Variants in RALGAPA2 observed in about 807,000 individuals in gnomAD.
The protein encoded by RALGAPA2 is ral GTPase-activating protein subunit alpha-2.
A neutral mutation model predicts 230.4 loss-of-function variants in RALGAPA2; 139 were observed. The ratio of observed to expected loss-of-function variants is 0.60; its 90% CI spans 0.53 to 0.69. The LOEUF (loss-of-function observed/expected upper bound fraction) is 0.69, where lower values mean the gene tolerates loss of function less well. Ranked by LOEUF, RALGAPA2 falls within the 30% of genes least tolerant of loss-of-function variation. The pLI, the probability that RALGAPA2 is intolerant of heterozygous loss-of-function variation, is 0.00. For missense variants in RALGAPA2, 2,163 were observed against 2,276.0 expected (o/e 0.95, Z 1.01); for synonymous variants, 847 against 837.8 (o/e 1.01, Z -0.19).
chr20:20,701,017 C>T (rs917843769), intron 1 of RALGAPA2, among the ~76,000 whole-genome samples: 8 of 151,162 alleles, frequency 5.3e-5, no homozygotes, highest in African/African-American at 2.5e-5. Context: ...TAAAAAGTTA[C>T]TTATTCTAAA....
intron 31 of RALGAPA2, among the ~76,000 whole-genome samples, chr20:20,516,510 T>C (rs567121620): frequency 6.6e-6 from 1 of 152,320 alleles, no homozygotes; most frequent in African/African-American, 2.4e-5. Flanking sequence ...CCACTGCCTA[T>C]AATACTCTAG....
intron 24 of RALGAPA2, among the ~76,000 whole-genome samples, chr20:20,546,097 A>G (rs2063768091): frequency 6.6e-6 from 1 of 152,182 alleles, no homozygotes; most frequent in Non-Finnish European, 1.5e-5. Flanking sequence ...CAAAAAAAGA[A>G]AAGAAAAGAT....
chr20:20,648,755 C>A (rs949439875), intron 4 of RALGAPA2, among the ~76,000 whole-genome samples: 1 of 151,808 alleles, frequency 6.6e-6, no homozygotes, highest in African/African-American at 2.4e-5. Flanking sequence ...AGCAGGAGGT[C>A]AAAAGACATG....
chr20:20,580,222 T>C (rs2064945872), intron 20 of RALGAPA2, among the ~76,000 whole-genome samples: 1 of 152,182 alleles, frequency 6.6e-6, no homozygotes, highest in African/African-American at 2.4e-5. Flanking sequence ...ATGTCTTAAG[T>C]ATATTTTCTT....
At chr20:20,431,948 A>G (rs2060511482) in intron 37 of RALGAPA2, among the ~76,000 whole-genome samples, 1 of 152,228 alleles carries the variant, frequency 6.6e-6, no homozygotes, top group African/African-American at 2.4e-5. Context: ...CTTCAATGAG[A>G]AACATCCACT....
intron 7 of RALGAPA2, among the ~76,000 whole-genome samples, chr20:20,639,554 G>C (rs1013442047): frequency 6.6e-6 from 1 of 152,172 alleles, no homozygotes; most frequent in African/African-American, 2.4e-5. Context: ...TAGGAAAGGA[G>C]TAAAGAGAGA....
chr20:20,603,356 A>C (rs565537276), intron 15 of RALGAPA2, among the ~76,000 whole-genome samples: 15 of 152,370 alleles, frequency 9.8e-5, no homozygotes, highest in Admixed American at 9.1e-4. Context: ...CAATGAAGAT[A>C]TAAGAATCCA....
At chr20:20,498,705 A>C (rs1453827072) in intron 35 of RALGAPA2, among the ~76,000 whole-genome samples, 1 of 152,184 alleles carries the variant, frequency 6.6e-6, no homozygotes, top group East Asian at 1.9e-4. Context: ...TTCCTGCCAG[A>C]ACAGCGCTGC....
chr20:20,568,266 G>A (rs576655242), intron 23 of RALGAPA2, among the ~76,000 whole-genome samples: 5 of 152,126 alleles, frequency 3.3e-5, no homozygotes, highest in African/African-American at 7.2e-5. Context: ...CCATGTTTTC[G>A]ATCACACCAA....
chr20:20,650,737 T>A (rs1214723346), intron 4 of RALGAPA2, among the ~76,000 whole-genome samples: 2 of 152,218 alleles, frequency 1.3e-5, no homozygotes, highest in Non-Finnish European at 2.9e-5. Flanking sequence ...TTTCCTTTGA[T>A]ACCTGGTATT....
intron 23 of RALGAPA2, among the ~76,000 whole-genome samples, chr20:20,551,145 G>C (rs2063913737): frequency 6.6e-6 from 1 of 152,158 alleles, no homozygotes; most frequent in South Asian, 2.1e-4. Context: ...AGATTTTCTA[G>C]GATTCATTTT....
rs1465578836 is a variant in RALGAPA2 at position 20,528,458 on chromosome 20, G to A, written c.3583-2096C>T. The stretch of plus-strand genomic sequence containing the variant: ...GACTTGGGCAGTGGGTGGGACGGAC[G>A]ATGGGTATTCAATGGGCATTCAGGA... On this transcript the variant is annotated intron_variant, in intron 27 of 39. Coordinates refer to ENST00000202677, the MANE Select transcript of RALGAPA2 (RefSeq NM_020343.4). Among the ~76,000 whole-genome samples the A allele has an allele frequency of 1.1e-4, 16 of 152,226 alleles. No homozygotes were observed. In the South Asian group the frequency reaches 1.2e-3, roughly 12 times the overall value.
chr20:20,393,355 C>T, intron 39 of RALGAPA2, 102 bp from the exon 40 acceptor site: 2 of 979,882 alleles, frequency 2.0e-6, no homozygotes, highest in Non-Finnish European at 2.7e-6. Flanking sequence ...AGGGAAACTC[C>T]CAGGAGAAGG....
At chr20:20,426,713 T>C (rs924912469) in intron 37 of RALGAPA2, among the ~76,000 whole-genome samples, 1 of 152,190 alleles carries the variant, frequency 6.6e-6, no homozygotes, top group African/African-American at 2.4e-5. Flanking sequence ...CTTTTACGAA[T>C]GCACCTCAAA....
At chr20:20,614,487 C>T (rs1406992665) in intron 13 of RALGAPA2, among the ~76,000 whole-genome samples, 1 of 152,186 alleles carries the variant, frequency 6.6e-6, no homozygotes, top group African/African-American at 2.4e-5. Context: ...CAGCATTTCT[C>T]ATTACTGTCA....
chr20:20,400,677 A>G (rs2059813681), intron 38 of RALGAPA2, among the ~76,000 whole-genome samples: 1 of 152,224 alleles, frequency 6.6e-6, no homozygotes, highest in Non-Finnish European at 1.5e-5. Flanking sequence ...TAGCCATGGG[A>G]AGTCTGTGTA....
Position 20,611,346 on chromosome 20 carries a change from A to C in RALGAPA2, c.1769T>G (p.Phe590Cys), listed in dbSNP as rs1322656669. ...KPKDKQIKDLFAQSLAGLLFR... is the reference protein window; with the variant it reads ...KPKDKQIKDLCAQSLAGLLFR... ...TAGTAACCCTGCCAAGCTCTGGGCA[A>C]ACAAGTCCTTTATTTGTTTATCCTT... The change falls in exon 14 of 40, where the codon TTT becomes TGT. Residue 590 changes from phenylalanine to cysteine, a missense_variant. Coordinates refer to ENST00000202677, the MANE Select transcript of RALGAPA2 (RefSeq NM_020343.4). The C allele has an allele frequency of 6.2e-7, 1 of 1,613,428 alleles. No homozygotes were observed. The highest frequency in any genetic ancestry group is 1.7e-5 in the Admixed American group (1 of 60,016).
chr20:20,620,567 A>G lies in RALGAPA2; in HGVS notation c.1297T>C (p.Trp433Arg). 6.2e-7 allele frequency: 1 copy of G among 1,613,886 alleles called. No homozygotes were observed. Among genetic ancestry groups the G allele is most frequent in the Non-Finnish European group, 8.5e-7 (1 of 1,179,822 alleles). Residue 433 changes from tryptophan (W) to arginine (R), a missense_variant, in exon 11 of 40, where the codon TGG becomes CGG. Physicochemically the swap from Trp to Arg is moderately radical, Grantham distance 101. Transcript: ENST00000202677. ...AACACAGGTTTGTCCTGGAGAATCC[A>G]CTTTCTGTACACTTGAACTACTTTT... is the stretch of plus-strand genomic sequence containing the variant. ...TRKVVQVYRK[W>R]ILQDKPVFME...
chr20:20,657,814 A>G (rs767324797), intron 3 of RALGAPA2, among the ~76,000 whole-genome samples: 1 of 152,202 alleles, frequency 6.6e-6, no homozygotes, highest in Non-Finnish European at 1.5e-5. Context: ...AAATGCTGAG[A>G]AAAGTAAAGA....
Sources: gnomAD v4.1 joint callset for allele counts (sites outside exome capture counted in the v4.1 genomes callset) on GRCh38, gnomAD v4.1.1 for gene constraint, MANE v1.5 for transcripts, NCBI Gene and HGNC (gene_info 2026-07-23, HGNC 2026-07-21) for gene names.